Variants in KDM6A observed in about 807,000 individuals in gnomAD.
The protein encoded by KDM6A is lysine demethylase 6A.
A neutral mutation model predicts 117.6 loss-of-function variants in KDM6A; 11 were observed. That is an observed-to-expected ratio of 0.09 (90% CI 0.06 to 0.15). KDM6A has a LOEUF of 0.15. Among genes scored for constraint, KDM6A ranks in the 10% least tolerant of loss-of-function variants. The pLI is 1.00. For synonymous variants in KDM6A, 384 were observed against 396.1 expected (o/e 0.97, Z 0.36); for missense variants, 799 against 1,077.3 (o/e 0.74, Z 3.62).
At chrX:44,887,240 T>A (rs770758696) in intron 2 of KDM6A, among the ~76,000 whole-genome samples, 1 of 111,333 alleles carries the variant, frequency 9.0e-6, no homozygotes, top group African/African-American at 3.3e-5. Flanking sequence ...TTATTTTTGT[T>A]ATAAAGATGA....
At chrX:45,029,441 A>AATAC (rs954098922) in intron 6 of KDM6A, among the ~76,000 whole-genome samples, 11 of 109,246 alleles carry the variant, frequency 1.0e-4, no homozygotes, top group Non-Finnish European at 1.7e-4. Context: ...CTAATAAATA[A>AATAC]ATACATACAT....
At chrX:45,045,944 G>A (rs1569529670) in intron 8 of KDM6A, among the ~76,000 whole-genome samples, 1 of 111,662 alleles carries the variant, frequency 9.0e-6, no homozygotes, top group Admixed American at 9.6e-5. Context: ...CAGTCATACT[G>A]TTTTTCCTTT....
chrX:44,981,500 C>G (rs1302676639), intron 4 of KDM6A, among the ~76,000 whole-genome samples: 1 of 111,844 alleles, frequency 8.9e-6, no homozygotes, highest in African/African-American at 3.2e-5. Flanking sequence ...CAGAAGCTCT[C>G]CAAACCCTGT....
At chrX:45,009,100 G>A (rs1027044999) in intron 4 of KDM6A, among the ~76,000 whole-genome samples, 3 of 112,091 alleles carry the variant, frequency 2.7e-5, no homozygotes, top group African/African-American at 9.7e-5. Flanking sequence ...ACCCCAGGTT[G>A]GATCTCACGC....
intron 2 of KDM6A, among the ~76,000 whole-genome samples, chrX:44,933,737 C>T (rs1040056144): frequency 4.5e-5 from 5 of 109,955 alleles, no homozygotes; most frequent in African/African-American, 1.7e-4. Flanking sequence ...ACCACCATGC[C>T]TGGCTAATTC....
At chrX:44,918,444 A>G (rs1213407354) in intron 2 of KDM6A, among the ~76,000 whole-genome samples, 1 of 111,460 alleles carries the variant, frequency 9.0e-6, no homozygotes, top group Non-Finnish European at 1.9e-5. Flanking sequence ...TTTGCTTGGC[A>G]TCAGTATGGT....
In KDM6A at chrX:45,093,401, C is replaced by CA. The variant is rs535520823; in HGVS notation, c.4034+2547dup. On this transcript the variant is annotated intron_variant, in intron 27 of 29. Coordinates refer to ENST00000611820, the MANE Select transcript of KDM6A (RefSeq NM_001291415.2). Reference sequence around the variant, plus strand: ...AAAAAAAAACAAACAAACAAACAAACAAAAAAAAAACGGATCTAATTGCTG... The same window carrying CA: ...AAAAAAAAACAAACAAACAAACAAACAAAAAAAAAAACGGATCTAATTGCTG... Among the ~76,000 whole-genome samples, 687 of 99,633 alleles carry CA rather than the reference C, an allele frequency of 6.9e-3. 10 individuals carry two copies. The highest frequency in any genetic ancestry group is 0.056 in the South Asian group (119 of 2,144). 86.5% of individuals were successfully genotyped at this position (99,633 alleles called of 115,157 possible).
chrX:45,035,664 A>G (rs745773661), intron 7 of KDM6A, among the ~76,000 whole-genome samples: 2 of 109,653 alleles, frequency 1.8e-5, no homozygotes, highest in African/African-American at 6.6e-5. Context: ...ATTTCTTAAA[A>G]ACCTTCTTAC....
chrX:44,920,314 G>A (rs2035832243), intron 2 of KDM6A, among the ~76,000 whole-genome samples: 1 of 111,535 alleles, frequency 9.0e-6, no homozygotes, highest in Non-Finnish European at 1.9e-5. Context: ...GGATTGATTC[G>A]TTTATAGTTA....
intron 8 of KDM6A, among the ~76,000 whole-genome samples, chrX:45,043,758 A>G (rs1169653499): frequency 9.0e-6 from 1 of 111,133 alleles, no homozygotes; most frequent in Admixed American, 9.5e-5. Context: ...AGCCTGGATG[A>G]CAGAGTGAGA....
At chrX:45,075,690 A>G in intron 18 of KDM6A, among the ~76,000 whole-genome samples, 1 of 108,966 alleles carries the variant, frequency 9.2e-6, no homozygotes, top group Non-Finnish European at 1.9e-5. Flanking sequence ...AAAACAGGCT[A>G]ATTTGTAACA....
intron 4 of KDM6A, among the ~76,000 whole-genome samples, chrX:44,987,857 A>C (rs2040326109): frequency 9.0e-6 from 1 of 110,506 alleles, no homozygotes; most frequent in Non-Finnish European, 1.9e-5. Flanking sequence ...CCTTCATTTC[A>C]ACTTTGGTGA....
At position 45,060,041 on chromosome X, in the gene KDM6A, C is replaced by T. The variant is rs1556309489; in HGVS notation, c.1214C>T (p.Pro405Leu). The stretch of plus-strand genomic sequence containing the variant: ...TCCTAGGCTCAGTTGTGTAACCTTC[C>T]ACAAGGTAGTCTACAGAATAAAACT... ...KYLQAQLCNLPQGSLQNKTKL... is the reference protein window; with the variant it reads ...KYLQAQLCNLLQGSLQNKTKL... The change falls in exon 13 of 30, where the codon CCA (proline) becomes CTA (leucine). Residue 405 changes from proline to leucine, a missense_variant. Pro to Leu is a moderately conservative substitution (Grantham distance 98). This residue lies in a region of KDM6A where 36 missense variants were observed against 44.4 expected (regional missense o/e 0.81). Coordinates refer to ENST00000611820, the MANE Select transcript of KDM6A (RefSeq NM_001291415.2). 4 of 1,208,518 alleles carry T rather than the reference C, an allele frequency of 3.3e-6. No individual in the cohort carries two copies. Among genetic ancestry groups the T allele is most frequent in the Non-Finnish European group, 4.5e-6 (4 of 893,716 alleles).
chrX:44,965,733 A>G (rs1304012524), intron 3 of KDM6A, among the ~76,000 whole-genome samples: 3 of 112,174 alleles, frequency 2.7e-5, no homozygotes, highest in Non-Finnish European at 1.9e-5. Flanking sequence ...AATAATGAAA[A>G]TGTATGGAAT....
chrX:45,076,605 A>T (rs2148097890), intron 18 of KDM6A, 92 bp from the exon 19 acceptor site: 1 of 665,156 alleles, frequency 1.5e-6, no homozygotes, highest in Non-Finnish European at 2.3e-6. Context: ...AATGCCTAGT[A>T]ATTTAATTAG....
Position 44,873,319 on chromosome X carries a change from G to A in KDM6A, c.-233G>A, listed in dbSNP as rs1375485667. On this transcript the variant is annotated 5_prime_UTR_variant, in exon 1 of 30. The change abolishes the stop of an existing upstream ORF in the 5' untranslated region. Transcript: ENST00000611820. ...TGCCCCCTGCCCAACCCCGCGATGTGACCCTACAGCCGAAAGCCGCCGCTG... is the reference window on the plus strand; with the variant it reads ...TGCCCCCTGCCCAACCCCGCGATGTAACCCTACAGCCGAAAGCCGCCGCTG... The A allele has an allele frequency of 6.3e-5, 25 of 399,148 alleles. No homozygotes were observed. The highest frequency in any genetic ancestry group is 1.0e-4 in the Non-Finnish European group (24 of 235,796). The allele number at this position is 399,148 out of a possible 1,213,427, so 32.9% of individuals were successfully genotyped here. A position where few individuals can be genotyped will look rare whatever the true frequency, so the allele number is the denominator to read the frequency against.
At chrX:44,949,487 T>A (rs768462909) in intron 2 of KDM6A, among the ~76,000 whole-genome samples, 4,291 of 111,041 alleles carry the variant, frequency 0.039, 217 homozygotes, top group African/African-American at 0.14. Context: ...TTTTTTTTTT[T>A]TAAAGCACTT....
At chrX:44,935,951 A>G (rs1472726878) in intron 2 of KDM6A, among the ~76,000 whole-genome samples, 1 of 112,287 alleles carries the variant, frequency 8.9e-6, no homozygotes, top group African/African-American at 3.2e-5. Flanking sequence ...GAGAATGAGA[A>G]TCACAAAGGT....
intron 2 of KDM6A, among the ~76,000 whole-genome samples, chrX:44,877,473 G>T (rs2031778828): frequency 9.2e-6 from 1 of 109,146 alleles, no homozygotes; most frequent in Non-Finnish European, 1.9e-5. Flanking sequence ...CGAAAACTAA[G>T]CAAAATATTT....
Sources: gnomAD v4.1 joint callset for allele counts (sites outside exome capture counted in the v4.1 genomes callset) on GRCh38, gnomAD v4.1.1 for gene constraint, gnomAD v4.1.1 regional missense constraint, MANE v1.5 for transcripts, NCBI Gene and HGNC (gene_info 2026-07-23, HGNC 2026-07-21) for gene names.